EPB41L3: variants seen among roughly 807,000 people sequenced by gnomAD.
EPB41L3 encodes the protein erythrocyte membrane protein band 4.1 like 3, also known as band 4.1-like protein 3.
In EPB41L3, 57 loss-of-function variants were observed where a neutral mutation model predicts 127.1. The observed-to-expected ratio is 0.45, with a 90% confidence interval of 0.36 to 0.56. The LOEUF is 0.56. EPB41L3 is among the 20% of genes least tolerant of loss of function. The pLI, the probability that EPB41L3 is intolerant of heterozygous loss-of-function variation, is 0.00. For synonymous variants in EPB41L3, 572 were observed against 549.5 expected (o/e 1.04, Z -0.57); for missense variants, 1,273 against 1,372.2 (o/e 0.93, Z 1.14).
chr18:5,580,304 C>A (rs115598580), intron 3 of EPB41L3, among the ~76,000 whole-genome samples: 296 of 152,208 alleles, frequency 1.9e-3, no homozygotes, highest in African/African-American at 6.9e-3. Context: ...CAGACACACA[C>A]CCATACAAAT....
chr18:5,558,381 C>A (rs889254936), intron 3 of EPB41L3, among the ~76,000 whole-genome samples: 1 of 152,088 alleles, frequency 6.6e-6, no homozygotes, highest in Admixed American at 6.6e-5. Context: ...CAAATGTATC[C>A]CAATTCCCAG....
chr18:5,445,200 G>T lies in EPB41L3; in HGVS notation c.426C>A (p.His142Gln). The T allele has an allele frequency of 6.2e-7, 1 of 1,614,088 alleles. No homozygotes were observed. Among genetic ancestry groups the T allele is most frequent in the East Asian group, 2.2e-5 (1 of 44,884 alleles). ...AGTAGTCTTTCTCTAGCAAGTTCAAGTGTTCACACACTTTATCAAACAGCA... is the reference window on the plus strand; with the variant it reads ...AGTAGTCTTTCTCTAGCAAGTTCAATTGTTCACACACTTTATCAAACAGCA... Reference protein sequence around the residue: ...GQVLFDKVCEHLNLLEKDYFG... With the variant: ...GQVLFDKVCEQLNLLEKDYFG... Residue 142 changes from histidine to glutamine, a missense_variant, in exon 4 of 23, where the codon CAC becomes CAA. Coordinates refer to ENST00000341928, the MANE Select transcript of EPB41L3 (RefSeq NM_012307.5).
intron 3 of EPB41L3, among the ~76,000 whole-genome samples, chr18:5,559,430 A>G (rs1372160515): frequency 6.6e-6 from 1 of 152,192 alleles, no homozygotes; most frequent in Non-Finnish European, 1.5e-5. Flanking sequence ...CTAACTCAAT[A>G]GCCACTAGAG....
intron 8 of EPB41L3, among the ~76,000 whole-genome samples, chr18:5,430,908 T>A (rs1598843503): frequency 6.6e-6 from 1 of 152,146 alleles, no homozygotes; most frequent in East Asian, 1.9e-4. Context: ...TAAGGACATG[T>A]GCATTCCACT....
rs114393972 is a variant in EPB41L3 at position 5,599,431 on chromosome 18, G to T, written c.-306+12909C>A. ...TTTCCTGTTTAGGCACCTCAGACCA[G>T]TATTTAGTCCCTGATATGGTTTAGA... is the stretch of plus-strand genomic sequence containing the variant. On this transcript the variant is annotated intron_variant, in intron 3 of 21. Transcript: ENST00000545076. Among the ~76,000 whole-genome samples the T allele has an allele frequency of 8.6e-3, 1,310 of 152,254 alleles. 13 individuals are homozygous for T. The highest frequency in any genetic ancestry group is 0.03 in the African/African-American group (1,238 of 41,566).
intron 3 of EPB41L3, among the ~76,000 whole-genome samples, chr18:5,607,208 T>G (rs951002151): frequency 3.3e-5 from 5 of 151,922 alleles, no homozygotes; most frequent in African/African-American, 1.2e-4. Flanking sequence ...ATGGTCAGAG[T>G]TATAGCTTGG....
intron 13 of EPB41L3, among the ~76,000 whole-genome samples, chr18:5,412,290 T>A (rs542714296): frequency 2.6e-5 from 4 of 152,124 alleles, no homozygotes; most frequent in Non-Finnish European, 5.9e-5. Flanking sequence ...CTCCGCCTCC[T>A]GGGTTCAAGT....
At chr18:5,484,754 C>G (rs2089427474) in intron 2 of EPB41L3, among the ~76,000 whole-genome samples, 1 of 151,874 alleles carries the variant, frequency 6.6e-6, no homozygotes, top group African/African-American at 2.4e-5. Flanking sequence ...GGATAAATTT[C>G]TAGACACATA....
chr18:5,514,751 T>A (rs2092684722), intron 1 of EPB41L3, among the ~76,000 whole-genome samples: 1 of 152,142 alleles, frequency 6.6e-6, no homozygotes, highest in Admixed American at 6.5e-5. Flanking sequence ...TTAAAAAAAA[T>A]AGACGAAATG....
At chr18:5,542,141 C>G (rs566934592) in intron 1 of EPB41L3, among the ~76,000 whole-genome samples, 2 of 152,302 alleles carry the variant, frequency 1.3e-5, no homozygotes, top group East Asian at 3.9e-4. Context: ...CCAAAATTAA[C>G]ATGCATTTTT....
At position 5,571,369 on chromosome 18, in the gene EPB41L3, A is replaced by G. The variant is rs555850807; in HGVS notation, c.-306+40971T>C. ...TGGAAAGGAATGTGACCAAGATTTAAGCATCATCTTTAGAGTTTATTTTTT... is the reference window on the plus strand; with the variant it reads ...TGGAAAGGAATGTGACCAAGATTTAGGCATCATCTTTAGAGTTTATTTTTT... On this transcript the variant is annotated intron_variant, in intron 3 of 21. Coordinates refer to the EPB41L3 transcript ENST00000545076. Among the ~76,000 whole-genome samples the G allele has an allele frequency of 3.9e-4, 59 of 152,334 alleles. 3 individuals are homozygous for G. In the South Asian group the frequency reaches 0.012, roughly 30 times the overall value.
At chr18:5,619,111 T>C (rs1230058167) in intron 1 of EPB41L3, among the ~76,000 whole-genome samples, 1 of 152,090 alleles carries the variant, frequency 6.6e-6, no homozygotes, top group Non-Finnish European at 1.5e-5. Flanking sequence ...GTATGTATAA[T>C]ACAAGGACAA....
upstream of EPB41L3, among the ~76,000 whole-genome samples, chr18:5,548,732 G>C (rs1388229473): frequency 7.2e-6 from 1 of 139,204 alleles, no homozygotes; most frequent in Admixed American, 6.8e-5. Context: ...AATGCTCAAT[G>C]ATTCTGTTCT....
At chr18:5,585,856 CT>C (rs1364529680) in intron 3 of EPB41L3, among the ~76,000 whole-genome samples, 1 of 152,146 alleles carries the variant, frequency 6.6e-6, no homozygotes, top group Non-Finnish European at 1.5e-5. Flanking sequence ...TTCCTCCCTG[CT>C]TGGGTGTCAT....
chr18:5,566,752 CTATT>C (rs1568583806), intron 3 of EPB41L3, among the ~76,000 whole-genome samples: 5 of 137,888 alleles, frequency 3.6e-5, no homozygotes, highest in East Asian at 4.6e-4. Flanking sequence ...CTATTCTATT[CTATT>C]CTATTCTATT....
intron 3 of EPB41L3, among the ~76,000 whole-genome samples, chr18:5,569,709 G>C (rs558463477): frequency 2.0e-5 from 3 of 152,104 alleles, no homozygotes; most frequent in Non-Finnish European, 4.4e-5. Context: ...GGTGGGTAGT[G>C]GTTTTTCCGG....
At chr18:5,423,037 C>T (rs2077674105) in intron 11 of EPB41L3, among the ~76,000 whole-genome samples, 1 of 152,114 alleles carries the variant, frequency 6.6e-6, no homozygotes, top group Non-Finnish European at 1.5e-5. Context: ...TCCTTTAAGA[C>T]CTGTTGGCAA....
At chr18:5,565,582 T>C (rs2094187731) in intron 3 of EPB41L3, among the ~76,000 whole-genome samples, 1 of 150,620 alleles carries the variant, frequency 6.6e-6, no homozygotes, top group South Asian at 2.1e-4. Context: ...ATTAGGTATA[T>C]CTCCTAATGT....
At chr18:5,516,788 A>C (rs1416801556) in intron 1 of EPB41L3, among the ~76,000 whole-genome samples, 1 of 152,236 alleles carries the variant, frequency 6.6e-6, no homozygotes, top group South Asian at 2.1e-4. Context: ...AACTGCACAC[A>C]AAATCTGCTG....
Sources: gnomAD v4.1 joint callset for allele counts (sites outside exome capture counted in the v4.1 genomes callset) on GRCh38, gnomAD v4.1.1 for gene constraint, MANE v1.5 for transcripts, NCBI Gene and HGNC (gene_info 2026-07-23, HGNC 2026-07-21) for gene names.